PCDHGB1: variants seen among roughly 807,000 people sequenced by gnomAD.
PCDHGB1 encodes protocadherin gamma-B1.
Under a neutral mutation model 56.6 loss-of-function variants are expected in PCDHGB1, and 34 were observed. That is an observed-to-expected ratio of 0.60 (90% CI 0.46 to 0.80). The LOEUF is 0.80. Among genes scored for constraint, PCDHGB1 ranks in the 30% least tolerant of loss-of-function variants. The pLI, the probability that PCDHGB1 is intolerant of heterozygous loss-of-function variation, is 0.00. For missense variants in PCDHGB1, 1,278 were observed against 1,204.6 expected (o/e 1.06, Z -0.90); for synonymous variants, 561 against 505.9 (o/e 1.11, Z -1.46).
intron 2 of PCDHGB1, among the ~76,000 whole-genome samples, chr5:141,503,800 C>T (rs756250566): frequency 1.3e-5 from 2 of 151,994 alleles, no homozygotes; most frequent in South Asian, 2.1e-4. Flanking sequence ...TACTTAGGGA[C>T]GGGGAATCCC....
intron 1 of PCDHGB1, chr5:141,394,121 T>G: frequency 6.2e-7 from 1 of 1,613,920 alleles, no homozygotes; most frequent in Non-Finnish European, 8.5e-7. Flanking sequence ...CCACTGAAAC[T>G]CAAATCGCTC....
At chr5:141,357,638 A>G (rs765041890) in intron 1 of PCDHGB1, 1 of 1,612,576 alleles carries the variant, frequency 6.2e-7, no homozygotes, top group Non-Finnish European at 8.5e-7. Context: ...CAATCTTATA[A>G]TAGATCATAC....
chr5:141,382,921 G>C (rs774998092), intron 1 of PCDHGB1: 4 of 1,560,206 alleles, frequency 2.6e-6, no homozygotes, highest in East Asian at 2.3e-5. Context: ...GCCGAGGGGC[G>C]GGGACTACAG....
rs1404533394 is a variant in PCDHGB1, at chr5:141,491,708, G to T, written c.2410-3099G>T. ...CTGCGGGAGCGGAGCCAGGTGAGGG[G>T]CTCGGCGCCGCCCCGGGCGACCCCT... On this transcript the variant is annotated intron_variant, in intron 1 of 3. Transcript: ENST00000523390. The surrounding 1 kb of genome is among the most constrained non-coding windows in gnomAD (Gnocchi z 6.9). 1 of 1,610,132 alleles carries T rather than the reference G, an allele frequency of 6.2e-7. No individual in the cohort carries two copies. Among genetic ancestry groups the T allele is most frequent in the Admixed American group, 1.7e-5 (1 of 59,518 alleles).
rs139608956 is a variant in PCDHGB1, at chr5:141,510,637, A to G, written c.2558-310A>G. Among the ~76,000 whole-genome samples, 4 of 152,242 alleles carry G rather than the reference A, an allele frequency of 2.6e-5. No individual in the cohort carries two copies. The East Asian group carries it at 7.7e-4, about 29-fold the overall frequency. ...ACTAAAACCAGAAGAGGTGGTTACC[A>G]TTATCATCCCCATTTTGCAGATGAG... On this transcript the variant is annotated intron_variant, in intron 3 of 3. Transcript: ENST00000523390.
intron 1 of PCDHGB1, among the ~76,000 whole-genome samples, chr5:141,465,443 C>T (rs979024871): frequency 6.6e-6 from 1 of 152,158 alleles, no homozygotes; most frequent in Non-Finnish European, 1.5e-5. Flanking sequence ...AATGATTACC[C>T]AAGAAAACTC....
Position 141,490,975 on chromosome 5 carries a change from C to T in PCDHGB1, c.2410-3832C>T. 1 of 1,614,056 alleles carries T rather than the reference C, an allele frequency of 6.2e-7. No individual in the cohort carries two copies. Among genetic ancestry groups the T allele is most frequent in the African/African-American group, 1.3e-5 (1 of 75,070 alleles). ...CTGGGAACACTCAGCCCCCCAGCGT[C>T]TCCCTCGCTCTGCTCCTCCTGGCTC... On this transcript the variant is annotated intron_variant, in intron 1 of 3. Coordinates refer to ENST00000523390, the MANE Select transcript of PCDHGB1 (RefSeq NM_018922.3). This position sits in a 1 kb window ranked among gnomAD's most constrained non-coding sequence, Gnocchi z 5.4.
At chr5:141,433,358 C>CCTAA (rs1554125965) in intron 1 of PCDHGB1, 1 of 503,368 alleles carries the variant, frequency 2.0e-6, no homozygotes, top group Non-Finnish European at 3.5e-6. Flanking sequence ...CTACTGTCTG[C>CCTAA]CTATCTATCT....
At chr5:141,411,227 G>A (rs1276536852) in intron 1 of PCDHGB1, 1 of 152,092 alleles carries the variant, frequency 6.6e-6, no homozygotes, top group Non-Finnish European at 1.5e-5. Context: ...TCAAATTTGC[G>A]AAGACTTAGT....
chr5:141,408,153 C>T, intron 1 of PCDHGB1: 4 of 1,509,360 alleles, frequency 2.7e-6, no homozygotes, highest in Non-Finnish European at 3.6e-6. Context: ...CGGTAGAGTG[C>T]ACTTTCTCCA....
At chr5:141,385,079 C>A in intron 1 of PCDHGB1, 1 of 1,614,226 alleles carries the variant, frequency 6.2e-7, no homozygotes, top group Non-Finnish European at 8.5e-7. Context: ...CTGCTGCAGG[C>A]TTCAGAAGGT....
At chr5:141,374,245 G>A (rs1460959579) in intron 1 of PCDHGB1, 2 of 1,613,980 alleles carry the variant, frequency 1.2e-6, no homozygotes, top group Non-Finnish European at 1.7e-6. Context: ...ATCTGGGACT[G>A]GAGCCCCAGG....
chr5:141,476,714 C>T lies in PCDHGB1; in HGVS notation c.2410-18093C>T, dbSNP rs146188020. On this transcript the variant is annotated intron_variant, in intron 1 of 3. Transcript: ENST00000523390. The surrounding 1 kb of genome is among the most constrained non-coding windows in gnomAD (Gnocchi z 7.6). ...CAAGTACGCGGAGCTGGTGTTGGAG[C>T]GCGCCCTGGACCGAGAACGGGAGCC... The T allele has an allele frequency of 6.2e-7, 1 of 1,614,154 alleles. No individual in the cohort carries two copies. The highest frequency in any genetic ancestry group is 8.5e-7 in the Non-Finnish European group (1 of 1,180,032).
intron 1 of PCDHGB1, chr5:141,418,211 C>T (rs752988020): frequency 1.2e-6 from 2 of 1,613,916 alleles, no homozygotes; most frequent in East Asian, 4.5e-5. Context: ...AAATATTTTT[C>T]ATGTCATTGT....
At chr5:141,409,883 C>G (rs530193346) in intron 1 of PCDHGB1, 2 of 1,612,988 alleles carry the variant, frequency 1.2e-6, no homozygotes, top group South Asian at 2.2e-5. Context: ...CAACGCACCG[C>G]GGGTGCTGTA....
At chr5:141,439,473 G>T (rs1414737627) in intron 1 of PCDHGB1, among the ~76,000 whole-genome samples, 2 of 152,202 alleles carry the variant, frequency 1.3e-5, no homozygotes, top group South Asian at 2.1e-4. Context: ...CTGCCTTTCA[G>T]CTTGCAAATT....
chr5:141,381,826 C>CTTTTTTTTTTTTTTTTTTTTTTT (rs770630741), intron 1 of PCDHGB1, among the ~76,000 whole-genome samples: 5 of 74,282 alleles, frequency 6.7e-5, no homozygotes, highest in Non-Finnish European at 1.2e-4. Context: ...CTTTCTTCTT[C>CTTTTTTTTTTTTTTTTTTTTTTT]TTTTTTTTTT....
At chr5:141,502,542 A>G (rs2099814957) in intron 2 of PCDHGB1, among the ~76,000 whole-genome samples, 1 of 152,216 alleles carries the variant, frequency 6.6e-6, no homozygotes, top group Admixed American at 6.5e-5. Context: ...TTCGTGTGGT[A>G]AAAACAGTGT....
intron 1 of PCDHGB1, chr5:141,441,116 C>G (rs1358636787): frequency 3.3e-5 from 5 of 152,156 alleles, no homozygotes; most frequent in Non-Finnish European, 7.3e-5. Context: ...GTCCAGTGTA[C>G]AGTTGAGACC....
Sources: gnomAD v4.1 joint callset for allele counts (sites outside exome capture counted in the v4.1 genomes callset) on GRCh38, gnomAD v4.1.1 for gene constraint, Gnocchi (gnomAD v3.1) non-coding constraint, MANE v1.5 for transcripts, NCBI Gene and HGNC (gene_info 2026-07-23, HGNC 2026-07-21) for gene names.